The following SLC20A2 variants were observed in gnomAD, a reference collection of about 807,000 sequenced individuals.
SLC20A2 encodes solute carrier family 20 member 2.
A neutral mutation model predicts 61.0 loss-of-function variants in SLC20A2; 30 were observed. That is an observed-to-expected ratio of 0.49 (90% CI 0.37 to 0.67). SLC20A2 has a LOEUF of 0.67. Among genes scored for constraint, SLC20A2 ranks in the 30% least tolerant of loss-of-function variants. The probability of loss-of-function intolerance (pLI) is 0.00; values close to 1 mark genes in which losing one functional copy is unlikely to be tolerated. For synonymous variants in SLC20A2, 351 were observed against 353.3 expected (o/e 0.99, Z 0.07); for missense variants, 626 against 866.4 (o/e 0.72, Z 3.48).
intron 10 of SLC20A2, among the ~76,000 whole-genome samples, chr8:42,427,880 G>T (rs748931751): frequency 1.4e-4 from 21 of 152,204 alleles, no homozygotes; most frequent in Non-Finnish European, 2.4e-4. Flanking sequence ...TGAGAGCTCT[G>T]CTCCCAAGCA....
At chr8:42,485,138 G>T (rs574298841) in intron 1 of SLC20A2, 3 of 172,310 alleles carry the variant, frequency 1.7e-5, no homozygotes, top group Non-Finnish European at 2.5e-5. Context: ...GCCTGTAAAG[G>T]GGGGCTGAGA....
chr8:42,527,847 T>A (rs1250203044), intron 1 of SLC20A2, among the ~76,000 whole-genome samples: 1 of 152,110 alleles, frequency 6.6e-6, no homozygotes, highest in African/African-American at 2.4e-5. Context: ...GGCCAAAATA[T>A]AATAAATGAA....
At chr8:42,487,165 A>T (rs1444723520) in intron 1 of SLC20A2, among the ~76,000 whole-genome samples, 4 of 98,372 alleles carry the variant, frequency 4.1e-5, no homozygotes, top group African/African-American at 1.3e-4. Flanking sequence ...GTGCTTGGCC[A>T]TGGTTTCTTT....
chr8:42,440,847 C>G (rs566910134), intron 6 of SLC20A2, among the ~76,000 whole-genome samples: 20 of 152,342 alleles, frequency 1.3e-4, no homozygotes, highest in African/African-American at 4.8e-4. Flanking sequence ...GTCACTCAGG[C>G]TGGAGTGCAG....
Position 42,463,185 on chromosome 8 carries a change from T to TA in SLC20A2, c.431-96dup. ...ACAATGATAAACAAAATGTATTACA[T>TA]ACATTCATAAGTATTTCCAGAATTA... On this transcript the variant is annotated intron_variant, in intron 3 of 10. Coordinates refer to ENST00000520262, the MANE Select transcript of SLC20A2 (RefSeq NM_001257180.2). The TA allele has an allele frequency of 4.4e-6, 3 of 688,786 alleles. No individual in the cohort carries two copies. In the South Asian group the frequency reaches 6.3e-5, roughly 14 times the overall value. 42.7% of individuals were successfully genotyped at this position (688,786 alleles called of 1,614,324 possible).
intron 1 of SLC20A2, among the ~76,000 whole-genome samples, chr8:42,529,821 G>A (rs896370871): frequency 2.6e-5 from 4 of 151,960 alleles, no homozygotes; most frequent in African/African-American, 9.7e-5. Flanking sequence ...CCTGTCTATG[G>A]GAATGCAGTT....
At chr8:42,493,861 T>A (rs990269950) in intron 1 of SLC20A2, among the ~76,000 whole-genome samples, 1 of 152,186 alleles carries the variant, frequency 6.6e-6, no homozygotes, top group Non-Finnish European at 1.5e-5. Flanking sequence ...AAAAATAATA[T>A]TGGCTGGGCA....
intron 5 of SLC20A2, among the ~76,000 whole-genome samples, chr8:42,455,235 A>ATATATAT (rs1425581278): frequency 9.6e-6 from 1 of 104,052 alleles, no homozygotes; most frequent in African/African-American, 4.2e-5. Context: ...AAAAAAAAAA[A>ATATATAT]AAAAAAATAT....
At chr8:42,505,956 CT>C (rs1810670835), upstream of SLC20A2, among the ~76,000 whole-genome samples, 2 of 116,446 alleles carry the variant, frequency 1.7e-5, no homozygotes, top group Non-Finnish European at 3.7e-5. Context: ...TAAGAATTCT[CT>C]GTATTTTATT....
chr8:42,530,624 G>A (rs955627744), intron 1 of SLC20A2, among the ~76,000 whole-genome samples: 1 of 152,060 alleles, frequency 6.6e-6, no homozygotes, highest in African/African-American at 2.4e-5. Flanking sequence ...AGACACAAAA[G>A]TCACTAAAAA....
At chr8:42,425,993 G>A (rs769610087) in intron 10 of SLC20A2, among the ~76,000 whole-genome samples, 4 of 151,882 alleles carry the variant, frequency 2.6e-5, no homozygotes, top group African/African-American at 7.3e-5. Context: ...TGGAGATGGC[G>A]CCACTGCACT....
chr8:42,419,278 T>C (rs1802887342), intron 10 of SLC20A2, among the ~76,000 whole-genome samples: 1 of 152,030 alleles, frequency 6.6e-6, no homozygotes, highest in South Asian at 2.1e-4. Flanking sequence ...TATAAAATGG[T>C]GATTTACCAG....
chr8:42,448,215 G>A lies in SLC20A2; in HGVS notation c.614-3453C>T, dbSNP rs62508041. Among the ~76,000 whole-genome samples the A allele has an allele frequency of 1.4e-3, 210 of 152,348 alleles. 1 individual carries two copies. The highest frequency in any genetic ancestry group is 5.8e-3 in the South Asian group (28 of 4,832). ...TCCCTGCTTCTTCTGTGGTTTTGCT[G>A]ATGATACAATTACTAATTGTGCTAC... On this transcript the variant is annotated intron_variant, in intron 5 of 10. Coordinates refer to ENST00000520262, the MANE Select transcript of SLC20A2 (RefSeq NM_001257180.2).
intron 1 of SLC20A2, among the ~76,000 whole-genome samples, chr8:42,525,070 G>A (rs1369067009): frequency 6.6e-6 from 1 of 152,036 alleles, no homozygotes; most frequent in Non-Finnish European, 1.5e-5. Flanking sequence ...GTCTACAGTA[G>A]CTGACTCTAT....
rs151300985 is a variant in SLC20A2 at position 42,486,623 on chromosome 8, A to G, written c.-264-13969T>C. Among the ~76,000 whole-genome samples, 294 of 152,338 alleles carry G rather than the reference A, an allele frequency of 1.9e-3. 3 individuals are homozygous for G. Among genetic ancestry groups the G allele is most frequent in the African/African-American group, 6.3e-3 (264 of 41,586 alleles). On this transcript the variant is annotated intron_variant, in intron 1 of 10. Transcript: ENST00000520262. ...TGAAGGATTCTTTCGGCACTTTAAT[A>G]TGCCATCTGCTGCCTCTGGGCCTCA... is the stretch of plus-strand genomic sequence containing the variant.
chr8:42,475,352 G>T (rs375026066), intron 1 of SLC20A2, among the ~76,000 whole-genome samples: 1 of 151,646 alleles, frequency 6.6e-6, no homozygotes. Flanking sequence ...CTCCTACCTC[G>T]GCCTCCCAAA....
Position 42,439,608 on chromosome 8 carries a change from C to G in SLC20A2, c.776G>C (p.Ser259Thr). The G allele has an allele frequency of 6.2e-7, 1 of 1,614,210 alleles. No individual in the cohort carries two copies. The highest frequency in any genetic ancestry group is 8.5e-7 in the Non-Finnish European group (1 of 1,180,042). ...EGALSRVSDE[S>T]LSKVQEAESP... ...CTCTGCTTCCTGAACCTTACTGAGG[C>G]TTTCGTCAGATACTCGTGATAAAGC... is the stretch of plus-strand genomic sequence containing the variant. Residue 259 changes from serine to threonine, a missense_variant, in exon 7 of 11, where the codon AGC becomes ACC. Transcript: ENST00000520262.
intron 5 of SLC20A2, among the ~76,000 whole-genome samples, chr8:42,446,929 G>A (rs1805260707): frequency 6.6e-6 from 1 of 152,102 alleles, no homozygotes; most frequent in African/African-American, 2.4e-5. Context: ...TTTGTAAATT[G>A]TTAAAAAATT....
intron 1 of SLC20A2, among the ~76,000 whole-genome samples, chr8:42,532,421 A>G (rs1363067232): frequency 1.3e-5 from 2 of 152,142 alleles, no homozygotes; most frequent in Non-Finnish European, 2.9e-5. Flanking sequence ...AATGTCACAA[A>G]CTCTTAAATA....
Sources: gnomAD v4.1 joint callset for allele counts (sites outside exome capture counted in the v4.1 genomes callset) on GRCh38, gnomAD v4.1.1 for gene constraint, MANE v1.5 for transcripts, NCBI Gene and HGNC (gene_info 2026-07-23, HGNC 2026-07-21) for gene names.